BNC2: variants seen among roughly 807,000 people sequenced by gnomAD.
BNC2 encodes the protein zinc finger protein basonuclin-2.
BNC2 carries 20 observed loss-of-function variants against 76.3 expected under a neutral mutation model. That is an observed-to-expected ratio of 0.26 (90% confidence interval 0.18 to 0.38). BNC2 has a LOEUF of 0.38. BNC2 is among the 10% of genes least tolerant of loss of function. BNC2 has a pLI of 1.00. For synonymous variants in BNC2, 582 were observed against 514.8 expected (o/e 1.13, Z -1.77); for missense variants, 1,382 against 1,399.8 (o/e 0.99, Z 0.20).
chr9:16,772,846 G>A lies in BNC2; in HGVS notation c.4-34361C>T, dbSNP rs893485906. On this transcript the variant is annotated intron_variant, in intron 1 of 6. Transcript: ENST00000380672. ...ACAAAATAATTGTATATTCTATGAA[G>A]ACTGATTCTTTTTCTGGAGAAACAT... Among the ~76,000 whole-genome samples, 23 of 152,242 alleles carry A rather than the reference G, an allele frequency of 1.5e-4. No homozygotes were observed. In the South Asian group the frequency reaches 2.1e-3, roughly 14 times the overall value.
At chr9:16,665,429 G>GAAAGA (rs1436792228) in intron 3 of BNC2, among the ~76,000 whole-genome samples, 1 of 96,578 alleles carries the variant, frequency 1.0e-5, no homozygotes, top group Non-Finnish European at 2.1e-5. Context: ...GGAAAGAAAG[G>GAAAGA]AAAGAAAAGA....
At position 16,809,671 on chromosome 9, in the gene BNC2, G is replaced by A. The variant is rs149274443; in HGVS notation, c.3+60975C>T. Among the ~76,000 whole-genome samples, 450 of 152,048 alleles carry A rather than the reference G, an allele frequency of 3.0e-3. 6 individuals are homozygous for A. Among genetic ancestry groups the A allele is most frequent in the African/African-American group, 9.4e-3 (391 of 41,456 alleles). ...CGCGTGCCTGTAGTCCCAGCTACTC[G>A]GGAGGCTGAGGCAGCAGGATTGCTT... On this transcript the variant is annotated intron_variant, in intron 1 of 6. Coordinates refer to ENST00000380672, the MANE Select transcript of BNC2 (RefSeq NM_017637.6).
Position 16,443,996 on chromosome 9 carries a change from T to C in BNC2, c.670-6472A>G, listed in dbSNP as rs148786443. On this transcript the variant is annotated intron_variant, in intron 5 of 6. Transcript: ENST00000380672. ...CTTCAATGAAGTTAATTCAAAAAAT[T>C]AAATCACGCAAATTGCTTGAACTCT... is the stretch of plus-strand genomic sequence containing the variant. Among the ~76,000 whole-genome samples, 1,482 of 152,296 alleles carry C rather than the reference T, an allele frequency of 9.7e-3. 33 individuals carry two copies. The highest frequency in any genetic ancestry group is 0.033 in the African/African-American group (1,371 of 41,576).
chr9:16,425,097 T>C (rs1820779185), intron 6 of BNC2, among the ~76,000 whole-genome samples: 1 of 152,182 alleles, frequency 6.6e-6, no homozygotes. Context: ...ACATATTAAA[T>C]GCAAGAAACA....
intron 3 of BNC2, among the ~76,000 whole-genome samples, chr9:16,668,760 T>C (rs1386536733): frequency 6.6e-6 from 1 of 152,240 alleles, no homozygotes; most frequent in Non-Finnish European, 1.5e-5. Context: ...GTGTGTAATC[T>C]CTTTGACTTT....
rs920249661 is a variant in BNC2 at position 16,733,528 on chromosome 9, TA to T, written c.129+4831del. ...CATATGTAAATAGATGGAAAGACAG[TA>T]AAAAGTTCACCTCCTCCCGCCCAAA... On this transcript the variant is annotated intron_variant, in intron 2 of 6. Coordinates refer to ENST00000380672, the MANE Select transcript of BNC2 (RefSeq NM_017637.6). Among the ~76,000 whole-genome samples the T allele has an allele frequency of 1.5e-4, 23 of 151,224 alleles. 1 individual carries two copies. The highest frequency in any genetic ancestry group is 4.4e-4 in the African/African-American group (18 of 41,108).
At chr9:16,831,096 G>C (rs1818568288) in intron 1 of BNC2, among the ~76,000 whole-genome samples, 2 of 152,188 alleles carry the variant, frequency 1.3e-5, no homozygotes, top group Non-Finnish European at 2.9e-5. Flanking sequence ...TCAGTGTCAA[G>C]GTCCAATATA....
intron 1 of BNC2, among the ~76,000 whole-genome samples, chr9:16,858,483 T>C (rs1057274123): frequency 2.0e-5 from 3 of 152,302 alleles, no homozygotes; most frequent in Middle Eastern, 3.4e-3. Context: ...ATCAGACATA[T>C]CTGAGCTTTA....
intron 3 of BNC2, among the ~76,000 whole-genome samples, chr9:16,590,455 A>C (rs539238730): frequency 6.6e-6 from 1 of 151,880 alleles, no homozygotes; most frequent in Non-Finnish European, 1.5e-5. Flanking sequence ...GGCCTCCCAA[A>C]GTGCTAGGAT....
intron 1 of BNC2, among the ~76,000 whole-genome samples, chr9:16,788,552 CAAAA>C (rs397960619): frequency 3.7e-5 from 3 of 80,456 alleles, no homozygotes; most frequent in Non-Finnish European, 2.7e-5. Flanking sequence ...CACTCCTTCT[CAAAA>C]AAAAAAAAAA....
chr9:16,747,771 A>C (rs910404275), intron 1 of BNC2, among the ~76,000 whole-genome samples: 3 of 152,322 alleles, frequency 2.0e-5, no homozygotes, highest in African/African-American at 7.2e-5. Context: ...AACATCAATT[A>C]ATATCTGGTA....
At chr9:16,770,470 C>T (rs889177582) in intron 1 of BNC2, among the ~76,000 whole-genome samples, 3 of 152,188 alleles carry the variant, frequency 2.0e-5, no homozygotes, top group Non-Finnish European at 4.4e-5. Context: ...AATTGACAGG[C>T]TTCTGAAGCC....
At chr9:16,437,805 A>C (rs1461661400) in intron 5 of BNC2, among the ~76,000 whole-genome samples, 1 of 152,240 alleles carries the variant, frequency 6.6e-6, no homozygotes, top group Non-Finnish European at 1.5e-5. Context: ...AAATGCCTTC[A>C]GTACTGCTTT....
intron 4 of BNC2, among the ~76,000 whole-genome samples, chr9:16,564,224 A>G (rs1819101369): frequency 6.6e-6 from 1 of 152,226 alleles, no homozygotes; most frequent in Non-Finnish European, 1.5e-5. Context: ...GCTGTAAGAT[A>G]TTCGTAAGTA....
At chr9:16,447,585 T>C (rs1821255143) in intron 5 of BNC2, among the ~76,000 whole-genome samples, 1 of 152,158 alleles carries the variant, frequency 6.6e-6, no homozygotes, top group Admixed American at 6.6e-5. Context: ...CTGATGTTTC[T>C]GTCTGGTGCT....
At chr9:16,805,014 AC>A (rs1233769316) in intron 1 of BNC2, among the ~76,000 whole-genome samples, 3 of 152,084 alleles carry the variant, frequency 2.0e-5, no homozygotes, top group Non-Finnish European at 4.4e-5. Flanking sequence ...GTGAGCCGAG[AC>A]CACGCCATTG....
At chr9:16,641,182 T>C (rs1563876445) in intron 3 of BNC2, among the ~76,000 whole-genome samples, 2 of 152,338 alleles carry the variant, frequency 1.3e-5, no homozygotes, top group South Asian at 4.1e-4. Flanking sequence ...TGATTACTTT[T>C]TTAAATCCCT....
chr9:16,854,415 C>T (rs1819202668), intron 1 of BNC2, among the ~76,000 whole-genome samples: 2 of 152,140 alleles, frequency 1.3e-5, no homozygotes, highest in Admixed American at 6.5e-5. Flanking sequence ...TACACATACT[C>T]CCTCTTGATT....
intron 5 of BNC2, among the ~76,000 whole-genome samples, chr9:16,516,596 T>C (rs1009473339): frequency 1.3e-5 from 2 of 152,186 alleles, no homozygotes; most frequent in African/African-American, 2.4e-5. Flanking sequence ...TTCTTTCTAG[T>C]ACACACAGTC....
Sources: allele counts gnomAD v4.1 joint callset (sites outside exome capture counted in the v4.1 genomes callset), GRCh38; gene constraint gnomAD v4.1.1; transcripts MANE v1.5; gene names NCBI Gene and HGNC (gene_info 2026-07-23, HGNC 2026-07-21).